HIP1: variants seen among roughly 807,000 people sequenced by gnomAD.
HIP1 encodes huntingtin interacting protein 1.
In HIP1, 65 loss-of-function variants were observed where a neutral mutation model predicts 147.6. The observed-to-expected ratio is 0.44, with a 90% CI of 0.36 to 0.54. The LOEUF is 0.54. Among genes scored for constraint, HIP1 ranks in the 20% least tolerant of loss-of-function variants. HIP1 has a pLI of 0.00. For missense variants in HIP1, 1,061 were observed against 1,299.6 expected, an observed-to-expected ratio of 0.82 and a Z score of 2.82; for synonymous variants, 479 against 504.0, an observed-to-expected ratio of 0.95 and a Z score of 0.67.
chr7:75,640,761 T>A (rs202009380), intron 1 of HIP1, among the ~76,000 whole-genome samples: 33 of 97,136 alleles, frequency 3.4e-4, no homozygotes, highest in African/African-American at 1.7e-3. Flanking sequence ...TCAATAATAA[T>A]AATAATAATA....
At chr7:75,552,889 A>C (rs1292518782) in intron 22 of HIP1, among the ~76,000 whole-genome samples, 1 of 151,620 alleles carries the variant, frequency 6.6e-6, no homozygotes, top group Non-Finnish European at 1.5e-5. Context: ...ATTTTTAAAG[A>C]GACAGGGTCT....
intron 1 of HIP1, among the ~76,000 whole-genome samples, chr7:75,651,935 TG>T (rs1554512038): frequency 4.3e-4 from 58 of 134,916 alleles, no homozygotes; most frequent in Middle Eastern, 0.01. Flanking sequence ...CTTGAACCCG[TG>T]AGGCGGAGGT....
At position 75,559,830 on chromosome 7, in the gene HIP1, G is replaced by A. The variant is rs782523889; in HGVS notation, c.1277C>T (p.Ala426Val). The A allele has an allele frequency of 3.7e-6, 6 of 1,612,110 alleles. No homozygotes were observed. Among genetic ancestry groups the A allele is most frequent in the South Asian group, 2.2e-5 (2 of 91,054 alleles). ...LAEQQHLRQQ[A>V]ADDCEFLRAE... is the part of the protein sequence containing the mutation. ...CCGCAGGAATTCACAGTCGTCGGCCGCCTGCTGCCGCAGGTGCTGCTGCTC... is the reference window on the plus strand; with the variant it reads ...CCGCAGGAATTCACAGTCGTCGGCCACCTGCTGCCGCAGGTGCTGCTGCTC... The change falls in exon 14 of 31, where the codon GCG (alanine) becomes GTG (valine). Residue 426 changes from alanine to valine, a missense_variant. Ala to Val is a moderately conservative substitution (Grantham distance 64). This residue lies in a region of HIP1 where 810 missense variants were observed against 946.8 expected (regional missense o/e 0.86). Coordinates refer to ENST00000336926, the MANE Select transcript of HIP1 (RefSeq NM_005338.7).
At chr7:75,728,540 C>T (rs1489816394) in intron 1 of HIP1, among the ~76,000 whole-genome samples, 2 of 152,196 alleles carry the variant, frequency 1.3e-5, no homozygotes, top group Non-Finnish European at 2.9e-5. Flanking sequence ...CGCCTTGAGG[C>T]AGTGGAATAA....
At chr7:75,593,950 C>G (rs1186103926) in intron 2 of HIP1, among the ~76,000 whole-genome samples, 1 of 151,588 alleles carries the variant, frequency 6.6e-6, no homozygotes, top group African/African-American at 2.4e-5. Context: ...TCCAAACACA[C>G]CCACTCCCTG....
chr7:75,658,593 G>A lies in HIP1; in HGVS notation c.121-59346C>T, dbSNP rs1253245244. 2.0e-5 allele frequency among the ~76,000 whole-genome samples: 3 copies of A among 151,950 alleles called. No homozygotes were observed. In the East Asian group the frequency reaches 5.8e-4, roughly 29 times the overall value. On this transcript the variant is annotated intron_variant, in intron 1 of 30. Coordinates refer to ENST00000336926, the MANE Select transcript of HIP1 (RefSeq NM_005338.7). ...TGGCATGTGTGCAGTGGCGGCCAAG[G>A]GAGAAAAAGAGGCAGGAAAAAGGCT... is the stretch of plus-strand genomic sequence containing the variant.
At chr7:75,660,721 C>T (rs1478869306) in intron 1 of HIP1, among the ~76,000 whole-genome samples, 1 of 152,098 alleles carries the variant, frequency 6.6e-6, no homozygotes, top group African/African-American at 2.4e-5. Context: ...CTCCTTCCAG[C>T]TCTTTCCATC....
chr7:75,560,058 A>G (rs1048484405), intron 13 of HIP1, 143 bp from the exon 14 acceptor site: 15 of 774,152 alleles, frequency 1.9e-5, no homozygotes, highest in Admixed American at 1.2e-4. Context: ...GGGTTGGACC[A>G]TCTGGTCATT....
chr7:75,605,571 C>T (rs1398394958), intron 1 of HIP1, among the ~76,000 whole-genome samples: 4 of 152,174 alleles, frequency 2.6e-5, no homozygotes, highest in African/African-American at 9.7e-5. Context: ...CTTGCCCTGT[C>T]GCCCAGGCTG....
intron 19 of HIP1, 87 bp downstream of exon 19, chr7:75,555,329 G>A: frequency 6.6e-7 from 1 of 1,517,842 alleles, no homozygotes; most frequent in Non-Finnish European, 9.1e-7. Flanking sequence ...GAGAGCCCCT[G>A]AGCTAAGTCT....
chr7:75,559,664 G>A (rs1554494107), intron 14 of HIP1, 68 bp downstream of exon 14: 3 of 1,282,672 alleles, frequency 2.3e-6, no homozygotes, highest in Admixed American at 5.4e-5. Flanking sequence ...GCCGCATCCT[G>A]AGTCCAGCTG....
chr7:75,712,919 C>A (rs567904072), intron 1 of HIP1, among the ~76,000 whole-genome samples: 23 of 152,330 alleles, frequency 1.5e-4, no homozygotes, highest in Non-Finnish European at 3.1e-4. Flanking sequence ...CTCACAAATT[C>A]AATCATTCAT....
intron 1 of HIP1, among the ~76,000 whole-genome samples, chr7:75,661,701 C>T (rs1443629399): frequency 6.6e-6 from 1 of 151,492 alleles, no homozygotes; most frequent in Admixed American, 6.6e-5. Context: ...GAATGGGGAG[C>T]AAAAGGTGCT....
chr7:75,664,193 C>T (rs868941853), intron 1 of HIP1, among the ~76,000 whole-genome samples: 1 of 101,222 alleles, frequency 9.9e-6, no homozygotes, highest in East Asian at 2.6e-4. Flanking sequence ...TACATATATA[C>T]ACACATATAC....
intron 1 of HIP1, among the ~76,000 whole-genome samples, chr7:75,605,809 G>C (rs1246700693): frequency 6.6e-6 from 1 of 152,098 alleles, no homozygotes; most frequent in Non-Finnish European, 1.5e-5. Context: ...GTTGGGATTA[G>C]AGGCGTGAGC....
intron 1 of HIP1, among the ~76,000 whole-genome samples, chr7:75,667,468 G>A (rs901643333): frequency 1.3e-5 from 2 of 152,158 alleles, no homozygotes; most frequent in Non-Finnish European, 1.5e-5. Flanking sequence ...ACCAAACTGT[G>A]TTAGTTTAAT....
Position 75,576,473 on chromosome 7 carries a change from G to A in HIP1, c.605-2572C>T, listed in dbSNP as rs981760549. Among the ~76,000 whole-genome samples, 7 of 152,182 alleles carry A rather than the reference G, an allele frequency of 4.6e-5. No individual in the cohort carries two copies. The East Asian group carries it at 1.3e-3, about 29-fold the overall frequency. ...GCTGTGGCTCATGCCTGTAATCCCA[G>A]CACTTTGGGAGGCTGAGGTGGGAGG... On this transcript the variant is annotated intron_variant, in intron 7 of 30. Coordinates refer to ENST00000336926, the MANE Select transcript of HIP1 (RefSeq NM_005338.7).
At chr7:75,725,500 A>G (rs80051228) in intron 1 of HIP1, among the ~76,000 whole-genome samples, 7,807 of 152,110 alleles carry the variant, frequency 0.051, 205 homozygotes, top group Middle Eastern at 0.068. Flanking sequence ...CCTGCACCCA[A>G]AGATAACTTT....
intron 1 of HIP1, among the ~76,000 whole-genome samples, chr7:75,689,338 T>C (rs1169794809): frequency 2.6e-5 from 4 of 152,226 alleles, no homozygotes; most frequent in African/African-American, 9.6e-5. Flanking sequence ...AAATGTCGTC[T>C]CTACTAAAAA....
Sources: gnomAD v4.1 joint callset for allele counts (sites outside exome capture counted in the v4.1 genomes callset) on GRCh38, gnomAD v4.1.1 for gene constraint, gnomAD v4.1.1 regional missense constraint, MANE v1.5 for transcripts, NCBI Gene and HGNC (gene_info 2026-07-23, HGNC 2026-07-21) for gene names.